Variants in SCART1 observed in about 807,000 individuals in gnomAD.
SCART1 encodes scavenger receptor cysteine-rich domain-containing protein SCART1.
Under a neutral mutation model 36.2 loss-of-function variants are expected in SCART1, and 62 were observed. The ratio of observed to expected loss-of-function variants is 1.71; its 90% CI spans 1.40 to 2.12. SCART1 has a LOEUF of 2.12. SCART1 is among the 30% of genes most tolerant of loss of function. SCART1 has a pLI of 0.00. For synonymous variants in SCART1, 487 were observed against 238.7 expected, an observed-to-expected ratio of 2.04 and a Z score of -9.59; for missense variants, 1,041 against 540.5, an observed-to-expected ratio of 1.93 and a Z score of -9.18.
chr10:133,456,583 G>T, intron 2 of SCART1, 29 bp downstream of exon 2: 1 of 631,734 alleles, frequency 1.6e-6, no homozygotes, highest in Non-Finnish European at 2.9e-6. Context: ...AGGGGACGGG[G>T]CTGAGGAGGA....
chr10:133,459,655 A>G lies in SCART1; in HGVS notation c.1454A>G (p.Asp485Gly), dbSNP rs1201294941. The change falls in exon 6 of 12, where the codon GAC becomes GGC. Residue 485 changes from aspartate to glycine, a missense_variant. Asp to Gly is a moderately conservative substitution (Grantham distance 94). Transcript: ENST00000640237. Reference sequence around the variant, plus strand: ...TGCAGAGGGGCCCAGCAAGCCTATGACGCACCTGCCCCCAGCCGCGGATCC... The same window carrying G: ...TGCAGAGGGGCCCAGCAAGCCTATGGCGCACCTGCCCCCAGCCGCGGATCC... 4 of 692,480 alleles carry G rather than the reference A, an allele frequency of 5.8e-6. 1 individual carries two copies. Among genetic ancestry groups the G allele is most frequent in the Middle Eastern group, 2.3e-4 (1 of 4,300 alleles). 42.9% of individuals were successfully genotyped at this position (692,480 alleles called of 1,614,324 possible).
At chr10:133,461,887 C>T (rs756258817) in intron 6 of SCART1, among the ~76,000 whole-genome samples, 5 of 152,204 alleles carry the variant, frequency 3.3e-5, no homozygotes, top group East Asian at 1.9e-4. Context: ...CATTTTCCTC[C>T]GGTGGCTGCT....
At chr10:133,459,572 C>T (rs1589934714) in exon 6 of SCART1, 3 of 676,866 alleles carry the variant, frequency 4.4e-6, no homozygotes, top group Admixed American at 4.3e-5. Context: ...TGTGGGGCCG[C>T]GTCCTGGACG....
At position 133,465,453 on chromosome 10, in the gene SCART1, G is replaced by A. The variant is rs1850754610; in HGVS notation, c.2547G>A (p.Trp849Ter). The stretch of plus-strand genomic sequence containing the variant: ...TTGGCCCTGGCTCCGGGCCCGTGTG[G>A]CTGGACGAGGTGGGGTGCCGGGGCA... The change falls in exon 9 of 12, where the codon TGG becomes TGA. Residue 849 changes from tryptophan (W) to a stop codon, truncating the protein, a stop_gained. Coordinates refer to ENST00000640237, the Ensembl canonical transcript of SCART1. LOFTEE classifies it high-confidence loss of function. 5.6e-6 allele frequency: 3 copies of A among 533,696 alleles called. No individual in the cohort carries two copies. The highest frequency in any genetic ancestry group is 4.0e-5 in the Admixed American group (1 of 24,874). 33.1% of individuals were successfully genotyped at this position (533,696 alleles called of 1,614,324 possible).
At chr10:133,456,604 G>T (rs1850616449) in intron 2 of SCART1, 50 bp downstream of exon 2, 2 of 617,590 alleles carry the variant, frequency 3.2e-6, no homozygotes, top group Non-Finnish European at 5.8e-6. Context: ...GGAGGAGTGG[G>T]AGGACGAGGA....
At chr10:133,465,051 C>G in intron 7 of SCART1, 55 bp from the exon 8 acceptor site, 2 of 702,330 alleles carry the variant, frequency 2.8e-6, no homozygotes, top group Non-Finnish European at 5.2e-6. Flanking sequence ...CCACAGCCTT[C>G]CTTGTGAAGC....
chr10:133,467,985 G>T (rs1429978894), exon 12 of SCART1: 2 of 668,334 alleles, frequency 3.0e-6, no homozygotes, highest in Admixed American at 4.3e-5. Flanking sequence ...CTGAGGATGA[G>T]ATACACCAGC....
chr10:133,464,627 G>C, exon 7 of SCART1: 1 of 658,834 alleles, frequency 1.5e-6, no homozygotes, highest in South Asian at 1.7e-5. Context: ...CTGAGGCTGC[G>C]AGGTGGGACC....
rs1850647739 is a variant in SCART1 at position 133,458,424 on chromosome 10, G to A, written c.747G>A (p.Trp249Ter). 1 of 701,016 alleles carries A rather than the reference G, an allele frequency of 1.4e-6. No homozygotes were observed. The highest frequency in any genetic ancestry group is 1.7e-5 in the African/African-American group (1 of 57,196). The allele number at this position is 701,016 out of a possible 1,614,324, so 43.4% of individuals were successfully genotyped here. Residue 249 changes from tryptophan (W) to a stop codon, truncating the protein, a stop_gained, in exon 4 of 12, where the codon TGG becomes TGA. Transcript: ENST00000640237. LOFTEE classifies it high-confidence loss of function. ...GCGCCGGGCGCCTGGAGGTGACCTG[G>A]GGCACCGTCTGTGATGCGGCCCTGG... is the stretch of plus-strand genomic sequence containing the variant.
exon 4 of SCART1, chr10:133,458,499 C>G (rs756739752): frequency 1.5e-6 from 1 of 683,804 alleles, no homozygotes; most frequent in African/African-American, 1.8e-5. Flanking sequence ...GTGGGGCGGT[C>G]GTGTCCACGC....
chr10:133,462,769 G>T (rs1589935975), intron 6 of SCART1, among the ~76,000 whole-genome samples: 1 of 152,162 alleles, frequency 6.6e-6, no homozygotes, highest in East Asian at 1.9e-4. Context: ...TCCAGCCTTG[G>T]TTCCAAAAAT....
At chr10:133,463,127 T>C (rs1850721425) in intron 6 of SCART1, among the ~76,000 whole-genome samples, 1 of 152,142 alleles carries the variant, frequency 6.6e-6, no homozygotes, top group African/African-American at 2.4e-5. Flanking sequence ...TCTTTTGGAC[T>C]TTACACTGCT....
rs908893650 is a variant in SCART1, at chr10:133,459,661, C to G, written c.1460C>G (p.Pro487Arg). Residue 487 changes from proline (P) to arginine (R), a missense_variant, in exon 6 of 12, where the codon CCT becomes CGT. Transcript: ENST00000640237. ...GGGGCCCAGCAAGCCTATGACGCAC[C>G]TGCCCCCAGCCGCGGATCCGTCCAG... The G allele has an allele frequency of 1.0e-5, 7 of 695,134 alleles. No individual in the cohort carries two copies. The Admixed American group carries it at 1.2e-4, about 12-fold the overall frequency. 43.1% of individuals were successfully genotyped at this position (695,134 alleles called of 1,614,324 possible).
intron 2 of SCART1, 87 bp from the exon 3 acceptor site, chr10:133,457,192 C>T: frequency 1.5e-6 from 1 of 676,698 alleles, no homozygotes; most frequent in South Asian, 1.6e-5. Flanking sequence ...CTCAGCCCAT[C>T]ACTGTCCTCC....
At chr10:133,463,199 A>G (rs1424956868) in intron 6 of SCART1, among the ~76,000 whole-genome samples, 1 of 152,082 alleles carries the variant, frequency 6.6e-6, no homozygotes, top group African/African-American at 2.4e-5. Context: ...ATCTCTGAAC[A>G]TGGGGCTGAG....
chr10:133,458,032 A>G (rs1850641457), intron 3 of SCART1: 12 of 570,452 alleles, frequency 2.1e-5, no homozygotes, highest in South Asian at 1.9e-4. Flanking sequence ...GGTGGTGCTC[A>G]GTGGACCAAG....
intron 1 of SCART1, 47 bp from the exon 2 acceptor site, chr10:133,456,190 G>C (rs12247319): frequency 3.0e-6 from 2 of 671,952 alleles, no homozygotes; most frequent in Non-Finnish European, 5.5e-6. Flanking sequence ...CTCCTCCTGC[G>C]CCTCTGGTTG....
intron 3 of SCART1, chr10:133,457,967 A>C: frequency 2.0e-6 from 1 of 507,776 alleles, no homozygotes. Context: ...TGTTGTGCAT[A>C]TGAGGAGCAG....
At chr10:133,459,126 C>T (rs1361855627) in exon 5 of SCART1, 1 of 702,910 alleles carries the variant, frequency 1.4e-6, no homozygotes, top group Admixed American at 2.0e-5. Flanking sequence ...ATAGCAGATG[C>T]CACCGTCCTC....
Sources: allele counts gnomAD v4.1 joint callset (sites outside exome capture counted in the v4.1 genomes callset), GRCh38; gene constraint gnomAD v4.1.1; transcripts MANE v1.5; gene names NCBI Gene and HGNC (gene_info 2026-07-23, HGNC 2026-07-21).